Variants in SLTM observed in about 807,000 individuals in gnomAD.
The protein encoded by SLTM is SAFB-like transcription modulator.
A neutral mutation model predicts 134.6 loss-of-function variants in SLTM; 43 were observed. That is an observed-to-expected ratio of 0.32 (90% confidence interval 0.25 to 0.41). The LOEUF is 0.41. Among genes scored for constraint, SLTM ranks in the 10% least tolerant of loss-of-function variants. The pLI is 1.00. For missense variants in SLTM, 1,055 were observed against 1,288.8 expected (o/e 0.82, Z 2.78); for synonymous variants, 424 against 432.3 (o/e 0.98, Z 0.24).
rs754751395 is a variant in SLTM, at chr15:58,894,421, A to AG, written c.1377+11dup. 119 of 1,614,048 alleles carry AG rather than the reference A, an allele frequency of 7.4e-5. No individual in the cohort carries two copies. In the Middle Eastern group the frequency reaches 6.3e-3, roughly 85 times the overall value. ...ATTAGACTTGCTTTGATAAACAGTT[A>AG]GGGAAGCTTACTTTTTCAACAGAAA... On this transcript the variant is annotated intron_variant, in intron 10 of 20. Transcript: ENST00000380516.
At chr15:58,911,590 T>C (rs1483072294) in intron 5 of SLTM, among the ~76,000 whole-genome samples, 1 of 151,990 alleles carries the variant, frequency 6.6e-6, no homozygotes, top group African/African-American at 2.4e-5. Flanking sequence ...TTTTATAAGA[T>C]TAAAAATAAA....
intron 2 of SLTM, among the ~76,000 whole-genome samples, chr15:58,925,670 T>A (rs2037404714): frequency 6.6e-6 from 1 of 152,188 alleles, no homozygotes. Flanking sequence ...ACTACAAAGA[T>A]AATTCACATT....
chr15:58,918,059 G>C (rs2036769965), intron 2 of SLTM, among the ~76,000 whole-genome samples: 1 of 150,716 alleles, frequency 6.6e-6, no homozygotes, highest in South Asian at 2.1e-4. Context: ...CCAGCTGGTA[G>C]TTGGAACTTT....
chr15:58,921,658 C>A (rs559784084), intron 2 of SLTM: 31 of 319,738 alleles, frequency 9.7e-5, no homozygotes, highest in African/African-American at 3.5e-4. Context: ...ACATAGTATT[C>A]AAAAAAAATG....
chr15:58,900,042 A>C (rs1595871800), intron 6 of SLTM, 105 bp from the exon 7 acceptor site: 1 of 832,282 alleles, frequency 1.2e-6, no homozygotes, highest in Non-Finnish European at 1.8e-6. Context: ...AGTTATTAGC[A>C]CTGATGGAAG....
intron 3 of SLTM, chr15:58,916,451 G>C (rs1195440644): frequency 6.5e-6 from 1 of 153,410 alleles, no homozygotes; most frequent in Non-Finnish European, 1.4e-5. Context: ...TGGGATTACA[G>C]GCGTAAGCCA....
rs1422828711 is a variant in SLTM, at chr15:58,887,355, C to T, written c.2561G>A (p.Arg854Lys). Reference sequence around the variant, plus strand: ...AGGCCTGTCATGAATAATCACCGTTCTCCTTTCGTCTCGCTCCCCTCGTAC... The same window carrying T: ...AGGCCTGTCATGAATAATCACCGTTTTCCTTTCGTCTCGCTCCCCTCGTAC... ...REVRGERDER[R>K]TVIIHDRPDI... Residue 854 changes from arginine (R) to lysine (K), a missense_variant, in exon 18 of 21, where the codon AGA (arginine) becomes AAA (lysine). By Grantham distance (26) the Arg-to-Lys change is conservative (BLOSUM62 2). This residue lies in a region of SLTM where 776 missense variants were observed against 962.2 expected (regional missense o/e 0.81). Coordinates refer to ENST00000380516, the MANE Select transcript of SLTM (RefSeq NM_024755.4). 6.2e-7 allele frequency: 1 copy of T among 1,613,808 alleles called. No homozygotes were observed. The highest frequency in any genetic ancestry group is 1.1e-5 in the South Asian group (1 of 91,066).
rs563231880 is a variant in SLTM, at chr15:58,906,362, CAAGGT to C, written c.562-5080_562-5076del. 1.3e-4 allele frequency among the ~76,000 whole-genome samples: 20 copies of C among 152,242 alleles called. No homozygotes were observed. In the South Asian group the frequency reaches 3.9e-3, roughly 30 times the overall value. On this transcript the variant is annotated intron_variant, in intron 5 of 20. Coordinates refer to ENST00000380516, the MANE Select transcript of SLTM (RefSeq NM_024755.4). ...CATATGAAGATGAAGCAAATGTCTA[CAAGGT>C]AAGTACTCATGTTGTTTATCTTCAC...
intron 20 of SLTM, among the ~76,000 whole-genome samples, chr15:58,880,857 C>G (rs1347613232): frequency 6.6e-5 from 10 of 152,130 alleles, no homozygotes; most frequent in Non-Finnish European, 8.8e-5. Context: ...GGAGCCACCA[C>G]GCCCGGCCAA....
chr15:58,917,947 T>G (rs2036762076), intron 2 of SLTM, among the ~76,000 whole-genome samples: 1 of 151,842 alleles, frequency 6.6e-6, no homozygotes, highest in Non-Finnish European at 1.5e-5. Context: ...ACAGATGGAG[T>G]TTCACCACGT....
At chr15:58,922,545 TATG>T (rs376331331) in intron 2 of SLTM, among the ~76,000 whole-genome samples, 137,299 of 143,998 alleles carry the variant, frequency 0.95, 65,413 homozygotes, top group Middle Eastern at 1. Flanking sequence ...ATATATTTTA[TATG>T]TATATAATAT....
At chr15:58,906,035 G>A (rs1372298986) in intron 5 of SLTM, among the ~76,000 whole-genome samples, 2 of 152,170 alleles carry the variant, frequency 1.3e-5, no homozygotes, top group African/African-American at 2.4e-5. Context: ...ACACGTAAAT[G>A]CCTATTGATT....
intron 4 of SLTM, among the ~76,000 whole-genome samples, chr15:58,913,216 G>A (rs926888408): frequency 8.5e-5 from 13 of 152,172 alleles, no homozygotes; most frequent in Non-Finnish European, 7.4e-5. Flanking sequence ...GTAGAAAGCA[G>A]TCTAATAAAT....
intron 5 of SLTM, among the ~76,000 whole-genome samples, chr15:58,905,164 T>C (rs534352976): frequency 1.7e-4 from 26 of 152,298 alleles, no homozygotes; most frequent in East Asian, 1.5e-3. Context: ...TCTTAATAAA[T>C]TGTTTTACTA....
chr15:58,901,050 T>G (rs1470945933), intron 6 of SLTM: 1 of 524,350 alleles, frequency 1.9e-6, no homozygotes, highest in African/African-American at 1.9e-5. Flanking sequence ...GTAACTGATA[T>G]GTACTATTAA....
chr15:58,883,197 C>G (rs1033645103), intron 20 of SLTM, among the ~76,000 whole-genome samples: 1 of 152,206 alleles, frequency 6.6e-6, no homozygotes, highest in Non-Finnish European at 1.5e-5. Flanking sequence ...TGCCTGTAAT[C>G]CCAGCTACTT....
In SLTM at chr15:58,893,949, G is replaced by C; in HGVS notation, c.1520C>G (p.Ser507Cys). The change falls in exon 12 of 21, where the codon TCT becomes TGT. Residue 507 changes from serine to cysteine, a missense_variant. Coordinates refer to ENST00000380516, the MANE Select transcript of SLTM (RefSeq NM_024755.4). ...ASVKKEEKRSSEKSEKKESKD... is the reference protein window; with the variant it reads ...ASVKKEEKRSCEKSEKKESKD... ...GCTTTCTTTTTTTTCAGATTTCTCAGACGATCTTTTCTCTTCTTTTTTGAC... is the reference window on the plus strand; with the variant it reads ...GCTTTCTTTTTTTTCAGATTTCTCACACGATCTTTTCTCTTCTTTTTTGAC... 6.2e-7 allele frequency: 1 copy of C among 1,610,632 alleles called. No homozygotes were observed. The highest frequency in any genetic ancestry group is 2.2e-5 in the East Asian group (1 of 44,750).
At chr15:58,896,909 C>T (rs1253253790) in intron 9 of SLTM, among the ~76,000 whole-genome samples, 3 of 152,108 alleles carry the variant, frequency 2.0e-5, no homozygotes, top group Non-Finnish European at 4.4e-5. Flanking sequence ...CAAAGATTCC[C>T]AAGGCTCAGA....
Position 58,899,800 on chromosome 15 carries a change from T to G in SLTM, c.727A>C (p.Ile243Leu). 1 of 1,614,126 alleles carries G rather than the reference T, an allele frequency of 6.2e-7. No homozygotes were observed. The highest frequency in any genetic ancestry group is 2.2e-5 in the East Asian group (1 of 44,882). ...TTVKEAEDDN[I>L]SVTIQAEDAI... ...TCTTCAGCCTGGATTGTGACCGAGA[T>G]GTTGTCATCCTCAGCTTCTTTCACA... Residue 243 changes from isoleucine to leucine, a missense_variant, in exon 7 of 21, where the codon ATC (isoleucine) becomes CTC (leucine). By Grantham distance (5) the Ile-to-Leu change is conservative. This residue lies in a region of SLTM where 11 missense variants were observed against 42.3 expected (regional missense o/e 0.26). Coordinates refer to ENST00000380516, the MANE Select transcript of SLTM (RefSeq NM_024755.4). This position sits in a 1 kb window ranked among gnomAD's most constrained non-coding sequence, Gnocchi z 5.0.
Sources: gnomAD v4.1 joint callset for allele counts (sites outside exome capture counted in the v4.1 genomes callset) on GRCh38, gnomAD v4.1.1 for gene constraint, gnomAD v4.1.1 regional missense constraint, Gnocchi (gnomAD v3.1) non-coding constraint, MANE v1.5 for transcripts, NCBI Gene and HGNC (gene_info 2026-07-23, HGNC 2026-07-21) for gene names.